The following VKORC1L1 variants were observed in gnomAD, a reference collection of about 807,000 sequenced individuals.
The protein encoded by VKORC1L1 is vitamin K epoxide reductase complex subunit 1-like protein 1.
A neutral mutation model predicts 18.9 loss-of-function variants in VKORC1L1; 2 were observed. The ratio of observed to expected loss-of-function variants is 0.11; its 90% confidence interval spans 0.04 to 0.33. VKORC1L1 has a LOEUF of 0.33. Ranked by LOEUF, VKORC1L1 falls within the 10% of genes least tolerant of loss-of-function variation. VKORC1L1 has a pLI of 1.00. For missense variants in VKORC1L1, 123 were observed against 224.1 expected (o/e 0.55, Z 2.88); for synonymous variants, 96 against 100.0 (o/e 0.96, Z 0.24).
chr7:65,899,678 G>A (rs1210001758), intron 1 of VKORC1L1, among the ~76,000 whole-genome samples: 1 of 152,068 alleles, frequency 6.6e-6, no homozygotes, highest in Non-Finnish European at 1.5e-5. Context: ...AAAACAGCTG[G>A]AGTTACGAGA....
Position 65,914,713 on chromosome 7 carries a change from C to T in VKORC1L1, c.195-33958C>T, listed in dbSNP as rs564285123. Among the ~76,000 whole-genome samples the T allele has an allele frequency of 3.9e-5, 6 of 152,206 alleles. No homozygotes were observed. The East Asian group carries it at 9.7e-4, about 24-fold the overall frequency. On this transcript the variant is annotated intron_variant, in intron 1 of 2. Transcript: ENST00000360768. ...CTCTTGTTTGCATCTACTTACTCTCCCTCTGGCTGGGTGTTGTGTCTCAAC... is the reference window on the plus strand; with the variant it reads ...CTCTTGTTTGCATCTACTTACTCTCTCTCTGGCTGGGTGTTGTGTCTCAAC...
intron 1 of VKORC1L1, among the ~76,000 whole-genome samples, chr7:65,932,029 T>G (rs1305972587): frequency 6.6e-6 from 1 of 152,222 alleles, no homozygotes; most frequent in Non-Finnish European, 1.5e-5. Flanking sequence ...ATTTCATTAA[T>G]TTCTGCTCTA....
intron 1 of VKORC1L1, among the ~76,000 whole-genome samples, chr7:65,929,721 CT>C: frequency 9.2e-6 from 1 of 108,514 alleles, no homozygotes; most frequent in Non-Finnish European, 1.9e-5. Context: ...TTTAACTTTA[CT>C]TTTAAAAATT....
Position 65,956,615 on chromosome 7 carries a change from G to C in VKORC1L1, c.*2315G>C, listed in dbSNP as rs995549040. 4 of 152,166 alleles carry C rather than the reference G, an allele frequency of 2.6e-5. No individual in the cohort carries two copies. Among genetic ancestry groups the C allele is most frequent in the Non-Finnish European group, 5.9e-5 (4 of 68,052 alleles). 9.4% of individuals were successfully genotyped at this position (152,166 alleles called of 1,614,324 possible). Reference sequence around the variant, plus strand: ...CTTTTTCTCACTGAGAGAGGAACACGTACTGCCTGTCATAACAGCATTGTA... The same window carrying C: ...CTTTTTCTCACTGAGAGAGGAACACCTACTGCCTGTCATAACAGCATTGTA... On this transcript the variant is annotated 3_prime_UTR_variant, in exon 3 of 3. Coordinates refer to ENST00000360768, the MANE Select transcript of VKORC1L1 (RefSeq NM_173517.6).
In VKORC1L1 at chr7:65,957,706, C is replaced by T. The variant is rs1489383712; in HGVS notation, c.*3406C>T. 3 of 152,024 alleles carry T rather than the reference C, an allele frequency of 2.0e-5. No homozygotes were observed. Among genetic ancestry groups the T allele is most frequent in the Non-Finnish European group, 4.4e-5 (3 of 68,058 alleles). 9.4% of individuals were successfully genotyped at this position (152,024 alleles called of 1,614,324 possible). On this transcript the variant is annotated 3_prime_UTR_variant, in exon 3 of 3. Transcript: ENST00000360768. Reference sequence around the variant, plus strand: ...AAATTAGCTGGGCATGGTGGCGGCACCTGTAATGCCAGCTCCTCCAGAGGC... The same window carrying T: ...AAATTAGCTGGGCATGGTGGCGGCATCTGTAATGCCAGCTCCTCCAGAGGC...
intron 1 of VKORC1L1, among the ~76,000 whole-genome samples, chr7:65,895,770 A>G (rs941680831): frequency 1.8e-4 from 28 of 151,760 alleles, no homozygotes; most frequent in Non-Finnish European, 2.1e-4. Flanking sequence ...AGCCTCATCT[A>G]TAGAAATGTT....
At chr7:65,883,497 A>G (rs1242597884) in intron 1 of VKORC1L1, among the ~76,000 whole-genome samples, 3 of 146,938 alleles carry the variant, frequency 2.0e-5, no homozygotes, top group Non-Finnish European at 4.5e-5. Flanking sequence ...TACTGCTTTA[A>G]TCTTTTTTTG....
rs1037046515 is a variant in VKORC1L1 at position 65,912,632 on chromosome 7, C to T, written c.195-36039C>T. 2.6e-5 allele frequency among the ~76,000 whole-genome samples: 4 copies of T among 152,102 alleles called. No homozygotes were observed. The East Asian group carries it at 7.7e-4, about 29-fold the overall frequency. ...CACCATGACTAGGTTTGTCGTGGCT[C>T]GTACCCTTTGAAACTGGGCACTTAA... On this transcript the variant is annotated intron_variant, in intron 1 of 2. Coordinates refer to ENST00000360768, the MANE Select transcript of VKORC1L1 (RefSeq NM_173517.6).
chr7:65,908,653 T>C (rs1789446575), intron 1 of VKORC1L1, among the ~76,000 whole-genome samples: 1 of 151,730 alleles, frequency 6.6e-6, no homozygotes, highest in South Asian at 2.1e-4. Flanking sequence ...CTGGCTAATA[T>C]GGTGAAACCC....
chr7:65,873,257 TGGTGGCGGCGGCGGCGGAGGCGGC>T lies in VKORC1L1; in HGVS notation c.-103_-80del, dbSNP rs1319162519. On this transcript the variant is annotated 5_prime_UTR_variant, in exon 1 of 3. Transcript: ENST00000360768. Reference sequence around the variant, plus strand: ...TGGGGCGCGGCGGCGGCGGCGGCGGTGGTGGCGGCGGCGGCGGAGGCGGCGGTGGCGGCGGTGGCGGCTGGGTCG... The same window carrying T: ...TGGGGCGCGGCGGCGGCGGCGGCGGTGGTGGCGGCGGTGGCGGCTGGGTCG... The T allele has an allele frequency of 7.6e-5, 66 of 864,374 alleles. No homozygotes were observed. In the Admixed American group the frequency reaches 1.1e-3, roughly 14 times the overall value. The allele number at this position is 864,374 out of a possible 1,614,324, so 53.5% of individuals were successfully genotyped here. A position where few individuals can be genotyped will look rare whatever the true frequency, so the allele number is the denominator to read the frequency against.
At chr7:65,952,290 C>T (rs991767731) in intron 2 of VKORC1L1, among the ~76,000 whole-genome samples, 1 of 152,188 alleles carries the variant, frequency 6.6e-6, no homozygotes, top group African/African-American at 2.4e-5. Flanking sequence ...GTTGCCGCAG[C>T]CACTCAACTC....
intron 2 of VKORC1L1, among the ~76,000 whole-genome samples, chr7:65,949,901 T>A (rs879855721): frequency 6.6e-6 from 1 of 152,218 alleles, no homozygotes; most frequent in East Asian, 1.9e-4. Context: ...GTGATCAACT[T>A]TGTTTAAAGA....
At chr7:65,870,539 T>G (rs1788713958), upstream of VKORC1L1, among the ~76,000 whole-genome samples, 1 of 152,190 alleles carries the variant, frequency 6.6e-6, no homozygotes, top group African/African-American at 2.4e-5. Context: ...GGGCCAGATG[T>G]CCATCCGTAG....
chr7:65,901,311 A>G (rs562884184), intron 1 of VKORC1L1, among the ~76,000 whole-genome samples: 10 of 152,228 alleles, frequency 6.6e-5, no homozygotes, highest in African/African-American at 2.2e-4. Flanking sequence ...GCAGTGAATT[A>G]TGAGCCAATG....
chr7:65,880,177 T>C (rs1788905062), intron 1 of VKORC1L1, among the ~76,000 whole-genome samples: 1 of 152,194 alleles, frequency 6.6e-6, no homozygotes, highest in South Asian at 2.1e-4. Flanking sequence ...TTAAATTCCA[T>C]TTAGATCTAA....
intron 2 of VKORC1L1, among the ~76,000 whole-genome samples, chr7:65,953,558 G>A (rs1175338651): frequency 6.6e-6 from 1 of 152,206 alleles, no homozygotes; most frequent in African/African-American, 2.4e-5. Context: ...AATTAGTAAT[G>A]TTTTACCTGA....
intron 1 of VKORC1L1, among the ~76,000 whole-genome samples, chr7:65,929,639 GATATAT>G (rs145751275): frequency 7.2e-6 from 1 of 138,118 alleles, no homozygotes; most frequent in Non-Finnish European, 1.5e-5. Context: ...AAATGCTACT[GATATAT>G]ATATATATGT....
intron 2 of VKORC1L1, 42 bp from the exon 3 acceptor site, chr7:65,954,032 C>T: frequency 1.3e-6 from 2 of 1,544,542 alleles, no homozygotes; most frequent in Non-Finnish European, 1.8e-6. Flanking sequence ...AGCCTCTCTC[C>T]AGCACCAAGG....
chr7:65,915,034 A>G (rs1463736482), intron 1 of VKORC1L1, among the ~76,000 whole-genome samples: 1 of 145,894 alleles, frequency 6.9e-6, no homozygotes, highest in African/African-American at 2.6e-5. Context: ...CAAATACTTA[A>G]CTCTCCCTCT....
Sources: gnomAD v4.1 joint callset for allele counts (sites outside exome capture counted in the v4.1 genomes callset) on GRCh38, gnomAD v4.1.1 for gene constraint, MANE v1.5 for transcripts, NCBI Gene and HGNC (gene_info 2026-07-23, HGNC 2026-07-21) for gene names.